MEP1A: variants seen among roughly 807,000 people sequenced by gnomAD.
The protein encoded by MEP1A is N-benzoyl-L-tyrosyl-P-amino-benzoic acid hydrolase subunit alpha.
Under a neutral mutation model 84.5 loss-of-function variants are expected in MEP1A, and 68 were observed. The ratio of observed to expected loss-of-function variants is 0.80; its 90% CI spans 0.66 to 0.98. The LOEUF (loss-of-function observed/expected upper bound fraction) is 0.98, where lower values mean the gene tolerates loss of function less well. Among genes scored for constraint, MEP1A ranks in the 50% least tolerant of loss-of-function variants. The pLI is 0.00. For missense variants in MEP1A, 887 were observed against 919.9 expected (o/e 0.96, Z 0.46); for synonymous variants, 337 against 336.8 (o/e 1.00, Z -0.01).
intron 6 of MEP1A, among the ~76,000 whole-genome samples, chr6:46,817,148 G>A (rs1288081601): frequency 6.6e-6 from 1 of 152,202 alleles, no homozygotes; most frequent in Non-Finnish European, 1.5e-5. Context: ...CTGTGAAAAA[G>A]TGTATTTATC....
intron 3 of MEP1A, among the ~76,000 whole-genome samples, chr6:46,797,834 C>CTTTCTT (rs1345531724): frequency 6.3e-4 from 91 of 145,400 alleles, no homozygotes; most frequent in African/African-American, 2.3e-3. Flanking sequence ...TTCTTTCTTT[C>CTTTCTT]TTTCTCTCTC....
At chr6:46,820,630 G>GGGC (rs1767749624) in intron 7 of MEP1A, among the ~76,000 whole-genome samples, 1 of 152,062 alleles carries the variant, frequency 6.6e-6, no homozygotes, top group Non-Finnish European at 1.5e-5. Context: ...TCAGGTGATC[G>GGGC]GCCTGCCTTG....
chr6:46,841,636 G>T (rs1340673349), downstream of MEP1A, among the ~76,000 whole-genome samples: 1 of 152,198 alleles, frequency 6.6e-6, no homozygotes, highest in African/African-American at 2.4e-5. Flanking sequence ...ATAAGTCATA[G>T]TGGCTTGAAA....
intron 7 of MEP1A, among the ~76,000 whole-genome samples, chr6:46,824,262 G>A (rs1009228752): frequency 6.6e-6 from 1 of 151,484 alleles, no homozygotes; most frequent in East Asian, 1.9e-4. Flanking sequence ...TTACACACAC[G>A]TACACACACA....
rs1387553687 is a variant in MEP1A at position 46,833,181 on chromosome 6, G to A, written c.1252G>A (p.Gly418Arg). Residue 418 changes from glycine to arginine, a missense_variant, in exon 11 of 14, where the codon GGA becomes AGA. Coordinates refer to ENST00000230588, the MANE Select transcript of MEP1A (RefSeq NM_005588.3). ...TKGDPQNSTG[G>R]IYLDDITLTE... Reference sequence around the variant, plus strand: ...AGGCGACCCTCAGAACTCAACTGGGGGAATTTACCTAGATGACATCACTCT... The same window carrying A: ...AGGCGACCCTCAGAACTCAACTGGGAGAATTTACCTAGATGACATCACTCT... 6.2e-7 allele frequency: 1 copy of A among 1,608,148 alleles called. No homozygotes were observed. Among genetic ancestry groups the A allele is most frequent in the East Asian group, 2.2e-5 (1 of 44,796 alleles).
intron 6 of MEP1A, 23 bp downstream of exon 6, chr6:46,809,560 T>C (rs199815737): frequency 6.9e-7 from 1 of 1,458,404 alleles, no homozygotes. Flanking sequence ...TTTTACGGAG[T>C]GAAAATCATG....
chr6:46,820,494 G>A (rs1767743983), intron 7 of MEP1A, among the ~76,000 whole-genome samples: 1 of 152,150 alleles, frequency 6.6e-6, no homozygotes, highest in Non-Finnish European at 1.5e-5. Flanking sequence ...GAGTTCAAGC[G>A]ATTCTCCTGC....
chr6:46,845,025 G>T, the MEP1A span, among the ~76,000 whole-genome samples: 1 of 152,148 alleles, frequency 6.6e-6, no homozygotes, highest in Non-Finnish European at 1.5e-5. Flanking sequence ...GACGTGCCTT[G>T]CTTCCCCTTT....
intron 10 of MEP1A, among the ~76,000 whole-genome samples, chr6:46,832,361 C>G (rs1768097285): frequency 6.6e-6 from 1 of 152,222 alleles, no homozygotes; most frequent in African/African-American, 2.4e-5. Flanking sequence ...ATCCTATGTT[C>G]TAGAACGGCC....
chr6:46,822,914 T>A (rs1366587590), intron 7 of MEP1A, among the ~76,000 whole-genome samples: 1 of 152,162 alleles, frequency 6.6e-6, no homozygotes, highest in African/African-American at 2.4e-5. Context: ...TTGCTTCAGG[T>A]GCCACTGAGA....
chr6:46,818,954 T>C (rs1022944194), intron 6 of MEP1A, among the ~76,000 whole-genome samples: 6 of 152,092 alleles, frequency 3.9e-5, no homozygotes, highest in African/African-American at 1.2e-4. Context: ...GGCAAAACCC[T>C]GTCTCTACAA....
At chr6:46,815,842 A>G (rs144252873) in intron 6 of MEP1A, among the ~76,000 whole-genome samples, 265 of 152,388 alleles carry the variant, frequency 1.7e-3, no homozygotes, top group Non-Finnish European at 3.0e-3. Context: ...AAAAAATAGC[A>G]GTTAAATAAA....
chr6:46,832,866 A>C (rs1768106670), intron 10 of MEP1A, among the ~76,000 whole-genome samples: 1 of 152,244 alleles, frequency 6.6e-6, no homozygotes, highest in African/African-American at 2.4e-5. Flanking sequence ...AAAATAAATC[A>C]TAGTATTTTA....
At chr6:46,819,389 C>T in intron 6 of MEP1A, 140 bp from the exon 7 acceptor site, 1 of 662,644 alleles carries the variant, frequency 1.5e-6, no homozygotes, top group Non-Finnish European at 2.6e-6. Flanking sequence ...ATCTTTGGAC[C>T]ATTAGCATAT....
At chr6:46,814,922 A>G (rs1279996094) in intron 6 of MEP1A, among the ~76,000 whole-genome samples, 2 of 152,206 alleles carry the variant, frequency 1.3e-5, no homozygotes, top group African/African-American at 4.8e-5. Flanking sequence ...AGCTATGGAC[A>G]CCAGCACCTG....
chr6:46,794,983 A>T (rs897355479), intron 3 of MEP1A, among the ~76,000 whole-genome samples: 6 of 152,158 alleles, frequency 3.9e-5, no homozygotes, highest in African/African-American at 1.2e-4. Flanking sequence ...AGGCCATTTC[A>T]ACCAAACCAC....
At chr6:46,797,175 C>T (rs1295949227) in intron 3 of MEP1A, among the ~76,000 whole-genome samples, 1 of 152,188 alleles carries the variant, frequency 6.6e-6, no homozygotes, top group Non-Finnish European at 1.5e-5. Flanking sequence ...ACAGGCTTTG[C>T]CAAATGAGGT....
At chr6:46,822,980 C>T (rs1200905647) in intron 7 of MEP1A, among the ~76,000 whole-genome samples, 4 of 152,170 alleles carry the variant, frequency 2.6e-5, no homozygotes, top group Admixed American at 2.0e-4. Context: ...CCTCAAATGA[C>T]ATCCTAGGAC....
rs941747816 is a variant in MEP1A, at chr6:46,839,096, T to G, written c.2201T>G (p.Phe734Cys). The change falls in exon 14 of 14, where the codon TTC (phenylalanine) becomes TGC (cysteine). Residue 734 changes from phenylalanine (F) to cysteine (C), a missense_variant. Coordinates refer to ENST00000230588, the MANE Select transcript of MEP1A (RefSeq NM_005588.3). ...ACGGCTGGCGTGATCTTCTTGACCTTCTCCATCATCGCCATCCTTTCCCAA... is the reference window on the plus strand; with the variant it reads ...ACGGCTGGCGTGATCTTCTTGACCTGCTCCATCATCGCCATCCTTTCCCAA... ...GGTAGVIFLT[F>C]SIIAILSQRP... 7 of 1,612,974 alleles carry G rather than the reference T, an allele frequency of 4.3e-6. No individual in the cohort carries two copies. The highest frequency in any genetic ancestry group is 5.9e-6 in the Non-Finnish European group (7 of 1,179,824).
Sources: allele counts gnomAD v4.1 joint callset (sites outside exome capture counted in the v4.1 genomes callset), GRCh38; gene constraint gnomAD v4.1.1; transcripts MANE v1.5; gene names NCBI Gene and HGNC (gene_info 2026-07-23, HGNC 2026-07-21).